The following FANCL variants were observed in gnomAD, a reference collection of about 807,000 sequenced individuals.
FANCL encodes E3 ubiquitin-protein ligase FANCL.
FANCL carries 69 observed loss-of-function variants against 59.4 expected under a neutral mutation model. That is an observed-to-expected ratio of 1.16 (90% CI 0.96 to 1.42). The LOEUF is 1.42. Among genes scored for constraint, FANCL ranks in the 40% most tolerant of loss-of-function variants. The probability of loss-of-function intolerance (pLI) is 0.00; values close to 1 mark genes in which losing one functional copy is unlikely to be tolerated. For synonymous variants in FANCL, 180 were observed against 147.1 expected (o/e 1.22, Z -1.62); for missense variants, 519 against 447.2 (o/e 1.16, Z -1.45).
intron 7 of FANCL, among the ~76,000 whole-genome samples, chr2:58,196,844 C>T (rs1471125532): frequency 6.6e-6 from 1 of 151,742 alleles, no homozygotes; most frequent in East Asian, 1.9e-4. Flanking sequence ...TTAGAAATAA[C>T]ACCTGGAAAG....
chr2:58,220,814 T>G (rs1191514466), intron 5 of FANCL, among the ~76,000 whole-genome samples: 1 of 152,210 alleles, frequency 6.6e-6, no homozygotes, highest in Non-Finnish European at 1.5e-5. Flanking sequence ...AATTGCACAT[T>G]CCTTCCACAT....
At chr2:58,199,947 TC>T (rs1490106192) in intron 6 of FANCL, among the ~76,000 whole-genome samples, 4 of 151,876 alleles carry the variant, frequency 2.6e-5, no homozygotes, top group African/African-American at 7.2e-5. Context: ...ATCAACACTT[TC>T]AAAAAAATTA....
At position 58,229,887 on chromosome 2, in the gene FANCL, T is replaced by G. The variant is rs776750454; in HGVS notation, c.156-13A>C. ...ACTACATAATAATCTAAAATTTTAA[T>G]GAGACAAAATGGTTTATTCATTGTT... On this transcript the variant is annotated splice_polypyrimidine_tract_variant and intron_variant, in intron 2 of 13. Transcript: ENST00000233741. The G allele has an allele frequency of 2.5e-6, 4 of 1,582,760 alleles. No individual in the cohort carries two copies. The highest frequency in any genetic ancestry group is 2.6e-6 in the Non-Finnish European group (3 of 1,151,910).
rs755028404 is a variant in FANCL at position 58,229,858 on chromosome 2, G to A, written c.172C>T (p.Gln58Ter). ...TATCCACTAAGTATTGTTCTCAGCT[G>A]CCAACTACATAATAATCTAAAATTT... Reference protein sequence around the residue: ...LKNARLLCSWQLRTILSGYHR... With the variant: ...LKNARLLCSW Residue 58 changes from glutamine to a stop codon, truncating the protein, a stop_gained, in exon 3 of 14, where the codon CAG becomes TAG. Coordinates refer to ENST00000233741, the MANE Select transcript of FANCL (RefSeq NM_018062.4). LOFTEE classifies it high-confidence loss of function. 5 of 1,609,552 alleles carry A rather than the reference G, an allele frequency of 3.1e-6. No individual in the cohort carries two copies. The South Asian group carries it at 5.5e-5, about 18-fold the overall frequency.
At position 58,209,644 on chromosome 2, in the gene FANCL, CTA is replaced by C. The variant is rs1185809516; in HGVS notation, c.375-5420_375-5419del. On this transcript the variant is annotated intron_variant, in intron 5 of 13. Coordinates refer to ENST00000233741, the MANE Select transcript of FANCL (RefSeq NM_018062.4). ...TGATACACCTACTTTACACTAGGAA[CTA>C]TATGAGTCACATAACATGCCTCTTT... Among the ~76,000 whole-genome samples the C allele has an allele frequency of 3.9e-5, 6 of 152,200 alleles. 1 individual carries two copies. The South Asian group carries it at 1.0e-3, about 26-fold the overall frequency.
At chr2:58,170,675 T>A (rs1478655087) in intron 7 of FANCL, among the ~76,000 whole-genome samples, 1 of 149,702 alleles carries the variant, frequency 6.7e-6, no homozygotes, top group Non-Finnish European at 1.5e-5. Flanking sequence ...GGAGGAATAT[T>A]TACCAAGCAA....
chr2:58,240,119 A>C (rs1352914456), intron 1 of FANCL, among the ~76,000 whole-genome samples: 4 of 152,082 alleles, frequency 2.6e-5, no homozygotes, highest in African/African-American at 7.2e-5. Context: ...GTAAAAAAAA[A>C]AAAAAAAAAG....
At chr2:58,188,217 T>C (rs1486009590) in intron 7 of FANCL, among the ~76,000 whole-genome samples, 3 of 152,172 alleles carry the variant, frequency 2.0e-5, no homozygotes, top group Admixed American at 2.0e-4. Context: ...GCTGTCTGTA[T>C]ATGTATGGGT....
intron 11 of FANCL, 59 bp from the exon 12 acceptor site, chr2:58,161,697 A>C: frequency 8.9e-7 from 1 of 1,128,256 alleles, no homozygotes; most frequent in South Asian, 1.3e-5. Flanking sequence ...TTCGTTGTAC[A>C]TATTTGGGAG....
chr2:58,207,743 T>C (rs1472982422), intron 5 of FANCL, among the ~76,000 whole-genome samples: 1 of 152,160 alleles, frequency 6.6e-6, no homozygotes, highest in Non-Finnish European at 1.5e-5. Context: ...TTACAAGTGG[T>C]ATCAAATCAG....
intron 7 of FANCL, among the ~76,000 whole-genome samples, chr2:58,194,834 C>G (rs930715527): frequency 6.6e-6 from 1 of 151,332 alleles, no homozygotes; most frequent in Non-Finnish European, 1.5e-5. Context: ...AAAAATACAT[C>G]AAAACATTAT....
chr2:58,202,384 T>C (rs1690130352), intron 6 of FANCL, among the ~76,000 whole-genome samples: 1 of 151,322 alleles, frequency 6.6e-6, no homozygotes, highest in African/African-American at 2.4e-5. Flanking sequence ...AACTTTTTTT[T>C]CCTAAAAAAA....
intron 8 of FANCL, 72 bp from the exon 9 acceptor site, chr2:58,163,589 G>T: frequency 1.1e-6 from 1 of 943,200 alleles, no homozygotes. Flanking sequence ...AAATAAAGAG[G>T]TGTTGGTCTG....
rs550989811 is a variant in FANCL at position 58,198,140 on chromosome 2, T to C, written c.540+454A>G. On this transcript the variant is annotated intron_variant, in intron 7 of 13. Coordinates refer to ENST00000233741, the MANE Select transcript of FANCL (RefSeq NM_018062.4). ...GGAGAAAGAAAATGGACATTAACTG[T>C]AAGGAAATATAAAAGAAGCATTATA... Among the ~76,000 whole-genome samples, 5 of 151,790 alleles carry C rather than the reference T, an allele frequency of 3.3e-5. 2 individuals carry two copies. The highest frequency in any genetic ancestry group is 1.2e-4 in the African/African-American group (5 of 41,388).
chr2:58,176,299 C>T (rs894897899), intron 7 of FANCL, among the ~76,000 whole-genome samples: 13 of 151,996 alleles, frequency 8.6e-5, no homozygotes, highest in Non-Finnish European at 1.0e-4. Flanking sequence ...CATATGGAAC[C>T]AAAAAAGAGC....
At chr2:58,231,587 T>C (rs147881643) in intron 2 of FANCL, among the ~76,000 whole-genome samples, 207 of 152,310 alleles carry the variant, frequency 1.4e-3, no homozygotes, top group African/African-American at 4.9e-3. Context: ...GAATTGAGAT[T>C]TGGGGTGGTA....
At chr2:58,183,746 C>A (rs1173885073) in intron 7 of FANCL, among the ~76,000 whole-genome samples, 1 of 151,798 alleles carries the variant, frequency 6.6e-6, no homozygotes. Flanking sequence ...ATCTGTTACC[C>A]ATCCTTTCAT....
At chr2:58,220,604 G>C (rs1692377866) in intron 5 of FANCL, among the ~76,000 whole-genome samples, 3 of 152,102 alleles carry the variant, frequency 2.0e-5, no homozygotes, top group African/African-American at 4.8e-5. Context: ...TTTTTCTTTA[G>C]TTATCAGGTA....
At chr2:58,231,142 T>C (rs79572158) in intron 2 of FANCL, among the ~76,000 whole-genome samples, 11,927 of 152,214 alleles carry the variant, frequency 0.078, 619 homozygotes, top group East Asian at 0.2. Flanking sequence ...TCCTTGTAAG[T>C]TCCTCTTTAG....
Sources: allele counts gnomAD v4.1 joint callset (sites outside exome capture counted in the v4.1 genomes callset), GRCh38; gene constraint gnomAD v4.1.1; transcripts MANE v1.5; gene names NCBI Gene and HGNC (gene_info 2026-07-23, HGNC 2026-07-21).